Variants in CHCHD6 observed in about 807,000 individuals in gnomAD.
The protein encoded by CHCHD6 is coiled-coil-helix-coiled-coil-helix domain containing 6, also known as MICOS complex subunit MIC25.
CHCHD6 carries 28 observed loss-of-function variants against 32.3 expected under a neutral mutation model. The observed-to-expected ratio is 0.87, with a 90% CI of 0.64 to 1.19. The LOEUF (loss-of-function observed/expected upper bound fraction) is 1.19, where lower values mean the gene tolerates loss of function less well. CHCHD6 is among the 50% of genes most tolerant of loss of function. CHCHD6 has a pLI of 0.00. For missense variants in CHCHD6, 333 were observed against 307.0 expected (o/e 1.08, Z -0.63); for synonymous variants, 122 against 117.5 (o/e 1.04, Z -0.25).
intron 5 of CHCHD6, among the ~76,000 whole-genome samples, chr3:126,872,056 T>C (rs1328764017): frequency 6.6e-6 from 1 of 152,134 alleles, no homozygotes; most frequent in Admixed American, 6.5e-5. Flanking sequence ...CCCCTTAGGG[T>C]GTGGTGGCTC....
At chr3:126,919,142 T>C (rs974478312) in intron 6 of CHCHD6, among the ~76,000 whole-genome samples, 6 of 148,160 alleles carry the variant, frequency 4.0e-5, no homozygotes, top group African/African-American at 1.5e-4. Context: ...AAACTGTCCA[T>C]GTGCATTTAA....
chr3:126,927,603 G>C (rs1014344396), intron 6 of CHCHD6, among the ~76,000 whole-genome samples: 2 of 152,194 alleles, frequency 1.3e-5, no homozygotes, highest in African/African-American at 4.8e-5. Context: ...AAATGAAAAT[G>C]GCATTTCATT....
At chr3:126,792,083 G>GTA (rs999524437) in intron 4 of CHCHD6, among the ~76,000 whole-genome samples, 42 of 152,002 alleles carry the variant, frequency 2.8e-4, no homozygotes, top group Admixed American at 7.9e-4. Flanking sequence ...ATTCCATTGT[G>GTA]TATATATATA....
chr3:126,704,362 A>T lies in CHCHD6; in HGVS notation c.50A>T (p.Asp17Val). 3 of 1,589,612 alleles carry T rather than the reference A, an allele frequency of 1.9e-6. No individual in the cohort carries two copies. Among genetic ancestry groups the T allele is most frequent in the Non-Finnish European group, 2.6e-6 (3 of 1,169,386 alleles). The change falls in exon 1 of 8, where the codon GAC becomes GTC. Residue 17 changes from aspartate to valine, a missense_variant. Transcript: ENST00000290913. ...GGCCGCAGGGTGTCCTTCGGAGTGG[A>T]CGAGGAGGAGCGGGTCCGGGTGCTG... is the stretch of plus-strand genomic sequence containing the variant. ...SEGRRVSFGV[D>V]EEERVRVLQG...
chr3:126,766,635 G>A, intron 4 of CHCHD6: 4 of 1,028,908 alleles, frequency 3.9e-6, no homozygotes, highest in Non-Finnish European at 6.1e-6. Context: ...GGTCGGTGAT[G>A]GGCCCCAGCT....
At chr3:126,882,439 C>A (rs558724714) in intron 5 of CHCHD6, among the ~76,000 whole-genome samples, 1 of 152,190 alleles carries the variant, frequency 6.6e-6, no homozygotes, top group Non-Finnish European at 1.5e-5. Flanking sequence ...CCTGGTTCTC[C>A]GCTGCAGAGG....
intron 6 of CHCHD6, among the ~76,000 whole-genome samples, chr3:126,917,813 C>G (rs533487961): frequency 6.6e-6 from 1 of 152,214 alleles, no homozygotes; most frequent in Admixed American, 6.5e-5. Context: ...TCCTTTTCTA[C>G]CATGTTGAGG....
At chr3:126,787,543 C>G (rs1938279793) in intron 4 of CHCHD6, among the ~76,000 whole-genome samples, 1 of 152,194 alleles carries the variant, frequency 6.6e-6, no homozygotes, top group South Asian at 2.1e-4. Flanking sequence ...TCCTTCACAT[C>G]CCTTGTAAGT....
At position 126,960,358 on chromosome 3, in the gene CHCHD6, C is replaced by G. The variant is rs779722046; in HGVS notation, c.*157C>G. ...ACGTGTTTAGGAAACAAAGTATGCG[C>G]TACTGTCTGAAAACAAATAAAGCAG... is the stretch of plus-strand genomic sequence containing the variant. On this transcript the variant is annotated 3_prime_UTR_variant, in exon 8 of 8. Coordinates refer to ENST00000290913, the MANE Select transcript of CHCHD6 (RefSeq NM_032343.3). 21 of 794,164 alleles carry G rather than the reference C, an allele frequency of 2.6e-5. No individual in the cohort carries two copies. The highest frequency in any genetic ancestry group is 3.9e-5 in the Non-Finnish European group (19 of 486,186). The allele number at this position is 794,164 out of a possible 1,614,324, so 49.2% of individuals were successfully genotyped here. A position where few individuals can be genotyped will look rare whatever the true frequency, so the allele number is the denominator to read the frequency against.
intron 4 of CHCHD6, among the ~76,000 whole-genome samples, chr3:126,841,299 A>G (rs1383817487): frequency 6.6e-6 from 1 of 152,056 alleles, no homozygotes; most frequent in Non-Finnish European, 1.5e-5. Context: ...TCATTGTTGG[A>G]CATTTGGGTT....
At chr3:126,917,591 A>T (rs1345809711) in intron 6 of CHCHD6, among the ~76,000 whole-genome samples, 1 of 152,256 alleles carries the variant, frequency 6.6e-6, no homozygotes, top group African/African-American at 2.4e-5. Flanking sequence ...CATAGAAAGT[A>T]GACCTAGGAT....
At chr3:126,724,521 T>C (rs1044890246) in intron 1 of CHCHD6, among the ~76,000 whole-genome samples, 3 of 152,042 alleles carry the variant, frequency 2.0e-5, no homozygotes, top group Admixed American at 1.3e-4. Flanking sequence ...TGGTGGGGGG[T>C]CTTGCCTCCT....
chr3:126,764,248 C>T (rs1209947810), intron 4 of CHCHD6, among the ~76,000 whole-genome samples: 1 of 146,672 alleles, frequency 6.8e-6, no homozygotes, highest in Admixed American at 6.8e-5. Context: ...AATACAATTA[C>T]AGCACTAAAC....
intron 6 of CHCHD6, among the ~76,000 whole-genome samples, chr3:126,932,269 C>A (rs2078417283): frequency 6.6e-6 from 1 of 152,158 alleles, no homozygotes; most frequent in Admixed American, 6.5e-5. Context: ...GGCCCATAGA[C>A]CACTTGCCTC....
At chr3:126,865,337 G>A (rs1942253604) in intron 5 of CHCHD6, among the ~76,000 whole-genome samples, 1 of 148,152 alleles carries the variant, frequency 6.7e-6, no homozygotes, top group Admixed American at 6.7e-5. Flanking sequence ...TCTACCAACT[G>A]CTCCACCAAC....
At chr3:126,909,640 G>A (rs1294253329) in intron 5 of CHCHD6, among the ~76,000 whole-genome samples, 2 of 152,242 alleles carry the variant, frequency 1.3e-5, no homozygotes, top group Non-Finnish European at 2.9e-5. Context: ...CCTGCTTTCA[G>A]ATGTGCATGT....
chr3:126,932,498 A>G (rs1027111881), intron 6 of CHCHD6, among the ~76,000 whole-genome samples: 2 of 152,188 alleles, frequency 1.3e-5, no homozygotes, highest in Admixed American at 1.3e-4. Flanking sequence ...GAGATCTGTT[A>G]CTTTTTCCTC....
chr3:126,894,103 G>A (rs1197945066), intron 5 of CHCHD6, among the ~76,000 whole-genome samples: 1 of 152,224 alleles, frequency 6.6e-6, no homozygotes, highest in East Asian at 1.9e-4. Context: ...CTTCAGCTGG[G>A]AGGCAGCTGC....
At chr3:126,759,073 G>A (rs1355959015) in intron 4 of CHCHD6, among the ~76,000 whole-genome samples, 1 of 152,122 alleles carries the variant, frequency 6.6e-6, no homozygotes, top group African/African-American at 2.4e-5. Flanking sequence ...CCAGCCCTGC[G>A]GCCTCCTGCA....
Sources: allele counts gnomAD v4.1 joint callset (sites outside exome capture counted in the v4.1 genomes callset), GRCh38; gene constraint gnomAD v4.1.1; transcripts MANE v1.5; gene names NCBI Gene and HGNC (gene_info 2026-07-23, HGNC 2026-07-21).